GCLM: variants seen among roughly 807,000 people sequenced by gnomAD.
The protein encoded by GCLM is glutamate--cysteine ligase regulatory subunit.
GCLM carries 15 observed loss-of-function variants against 36.0 expected under a neutral mutation model. The observed-to-expected ratio is 0.42, with a 90% CI of 0.28 to 0.64. GCLM has a LOEUF of 0.64. Among genes scored for constraint, GCLM ranks in the 30% least tolerant of loss-of-function variants. The pLI, the probability that GCLM is intolerant of heterozygous loss-of-function variation, is 0.25. For missense variants in GCLM, 242 were observed against 325.5 expected (o/e 0.74, Z 1.97); for synonymous variants, 129 against 122.8 (o/e 1.05, Z -0.34).
intron 6 of GCLM, among the ~76,000 whole-genome samples, chr1:93,891,418 A>G (rs1195711586): frequency 6.6e-6 from 1 of 152,210 alleles, no homozygotes; most frequent in African/African-American, 2.4e-5. Context: ...TCTCTGATTA[A>G]CATTCCCTTA....
intron 1 of GCLM, among the ~76,000 whole-genome samples, 165 bp from the exon 2 acceptor site, chr1:93,904,753 A>G (rs771288344): frequency 2.6e-5 from 4 of 152,212 alleles, no homozygotes; most frequent in Non-Finnish European, 5.9e-5. Context: ...TTCCTTCAAC[A>G]TACATAAATT....
At chr1:93,895,454 G>C (rs558200579) in intron 5 of GCLM, among the ~76,000 whole-genome samples, 1 of 152,312 alleles carries the variant, frequency 6.6e-6, no homozygotes, top group South Asian at 2.1e-4. Flanking sequence ...TAAAGGTAAA[G>C]GATCAAATAC....
At chr1:93,901,749 GCCTTT>G in intron 2 of GCLM, 80 bp from the exon 3 acceptor site, 1 of 780,132 alleles carries the variant, frequency 1.3e-6, no homozygotes, top group South Asian at 1.7e-5. Context: ...TATCCATAAT[GCCTTT>G]TAGAATCAGA....
Position 93,909,070 on chromosome 1 carries a change from G to A in GCLM, c.94C>T (p.Arg32Trp). The A allele has an allele frequency of 6.8e-7, 1 of 1,474,662 alleles. No homozygotes were observed. The highest frequency in any genetic ancestry group is 8.9e-7 in the Non-Finnish European group (1 of 1,118,574). 91.3% of individuals were successfully genotyped at this position (1,474,662 alleles called of 1,614,324 possible). Residue 32 changes from arginine (R) to tryptophan (W), a missense_variant, in exon 1 of 7, where the codon CGG becomes TGG. Transcript: ENST00000370238. ...TGNLLNWGRL[R>W]KKCPSTHSEE... ...CTGTGCGTGGACGGGCACTTCTTCC[G>A]CAGGCGGCCCCAGTTCAGCAGGTTC...
chr1:93,890,982 T>C (rs1159356651), intron 6 of GCLM, among the ~76,000 whole-genome samples: 3 of 151,786 alleles, frequency 2.0e-5, no homozygotes, highest in African/African-American at 7.3e-5. Flanking sequence ...GCTCAATGCA[T>C]CCTTCCACCT....
At chr1:93,897,693 C>A in intron 4 of GCLM, 146 bp downstream of exon 4, 2 of 546,224 alleles carry the variant, frequency 3.7e-6, no homozygotes, top group Non-Finnish European at 6.3e-6. Context: ...TTTACAGAAG[C>A]CTTAAGAAAC....
At chr1:93,904,179 T>C (rs1657062352) in intron 2 of GCLM, 1 of 253,446 alleles carries the variant, frequency 3.9e-6, no homozygotes, top group African/African-American at 2.3e-5. Context: ...AAATTACTTC[T>C]AGTGATGTTG....
chr1:93,901,039 T>G (rs933636017), intron 3 of GCLM, among the ~76,000 whole-genome samples: 5 of 152,234 alleles, frequency 3.3e-5, no homozygotes, highest in African/African-American at 7.2e-5. Context: ...GCTATGCTAA[T>G]TGTAAGGTGA....
At chr1:93,908,853 C>T in intron 1 of GCLM, 185 bp downstream of exon 1, 1 of 408,916 alleles carries the variant, frequency 2.4e-6, no homozygotes, top group East Asian at 4.0e-5. Flanking sequence ...GCGTTGCCCT[C>T]GGCAGCGGGT....
chr1:93,897,955 T>C (rs1242840712), intron 3 of GCLM, 57 bp from the exon 4 acceptor site: 3 of 863,208 alleles, frequency 3.5e-6, no homozygotes, highest in African/African-American at 3.5e-5. Context: ...TTTCACTATA[T>C]GCTAGTATTA....
Position 93,904,528 on chromosome 1 carries a change from C to T in GCLM, c.187G>A (p.Val63Ile), listed in dbSNP as rs1657074286. 4 of 1,604,396 alleles carry T rather than the reference C, an allele frequency of 2.5e-6. No individual in the cohort carries two copies. The highest frequency in any genetic ancestry group is 3.4e-6 in the Non-Finnish European group (4 of 1,171,260). Residue 63 changes from valine to isoleucine, a missense_variant, in exon 2 of 7, where the codon GTC becomes ATC. Coordinates refer to ENST00000370238, the MANE Select transcript of GCLM (RefSeq NM_002061.4). ...EWSSQINPDLVREFPDVLECT... is the reference protein window; with the variant it reads ...EWSSQINPDLIREFPDVLECT... ...TGCATTCACATTTCACTTACCCTGA[C>T]CAAATCTGGGTTGATTTGGGAACTC... is the stretch of plus-strand genomic sequence containing the variant.
At chr1:93,902,421 G>A (rs12057371) in intron 2 of GCLM, among the ~76,000 whole-genome samples, 39,403 of 149,440 alleles carry the variant, frequency 0.26, 5,212 homozygotes, top group Admixed American at 0.35. Flanking sequence ...CTTGTGATCC[G>A]CCCACCTCGG....
chr1:93,909,158 G>T lies in GCLM; in HGVS notation c.6C>A (p.Gly2=). Residue 2 remains glycine, a synonymous_variant, in exon 1 of 7, where the codon GGC becomes GGA. Transcript: ENST00000370238. The part of the protein sequence containing the change: M[G]TDSRAAKALL... ...GCGCCTTGGCCGCGCGGCTGTCGGT[G>T]CCCATGGCAGCGGCCGCCCAGGGGC... The T allele has an allele frequency of 7.5e-7, 1 of 1,332,524 alleles. No homozygotes were observed. The highest frequency in any genetic ancestry group is 9.6e-7 in the Non-Finnish European group (1 of 1,039,872). The allele number at this position is 1,332,524 out of a possible 1,614,324, so 82.5% of individuals were successfully genotyped here. A position where few individuals can be genotyped will look rare whatever the true frequency, so the allele number is the denominator to read the frequency against.
At chr1:93,894,017 G>C (rs1656629146) in intron 6 of GCLM, among the ~76,000 whole-genome samples, 1 of 152,072 alleles carries the variant, frequency 6.6e-6, no homozygotes, top group African/African-American at 2.4e-5. Flanking sequence ...CAGCACCTTG[G>C]GAGGCCGAGG....
At position 93,887,278 on chromosome 1, in the gene GCLM, G is replaced by GGT. The variant is rs1407079448; in HGVS notation, c.*1710_*1711dup. ...CAGAGTGCTGGGATTACAGGCATGAGGTGTGCCCGGGCAGATTTCACATAA... is the reference window on the plus strand; with the variant it reads ...CAGAGTGCTGGGATTACAGGCATGAGGTGTGTGCCCGGGCAGATTTCACATAA... On this transcript the variant is annotated 3_prime_UTR_variant, in exon 7 of 7. Transcript: ENST00000370238. 6.6e-6 allele frequency: 1 copy of GGT among 152,042 alleles called. No individual in the cohort carries two copies. Among genetic ancestry groups the GGT allele is most frequent in the Non-Finnish European group, 1.5e-5 (1 of 68,018 alleles). 9.4% of individuals were successfully genotyped at this position (152,042 alleles called of 1,614,324 possible).
At chr1:93,892,118 G>A (rs910913042) in intron 6 of GCLM, among the ~76,000 whole-genome samples, 4 of 152,100 alleles carry the variant, frequency 2.6e-5, no homozygotes, top group South Asian at 4.2e-4. Flanking sequence ...GGATTTAATC[G>A]AAATGGGGGG....
chr1:93,902,382 G>A (rs775163324), intron 2 of GCLM, among the ~76,000 whole-genome samples: 46 of 151,608 alleles, frequency 3.0e-4, no homozygotes, highest in African/African-American at 1.0e-3. Context: ...GTTTCACCGT[G>A]TTAGCCAGGA....
chr1:93,895,345 T>C (rs1311472821), intron 5 of GCLM, among the ~76,000 whole-genome samples: 5 of 152,176 alleles, frequency 3.3e-5, no homozygotes, highest in African/African-American at 1.2e-4. Flanking sequence ...AGTCTCCTGC[T>C]AGAACCATTT....
Position 93,885,693 on chromosome 1 carries a change from A to G in GCLM, c.*3297T>C, listed in dbSNP as rs889970305. 1 of 152,236 alleles carries G rather than the reference A, an allele frequency of 6.6e-6. No homozygotes were observed. The highest frequency in any genetic ancestry group is 6.5e-5 in the Admixed American group (1 of 15,284). 9.4% of individuals were successfully genotyped at this position (152,236 alleles called of 1,614,324 possible). A position where few individuals can be genotyped will look rare whatever the true frequency, so the allele number is the denominator to read the frequency against. On this transcript the variant is annotated 3_prime_UTR_variant, in exon 7 of 7. Coordinates refer to ENST00000370238, the MANE Select transcript of GCLM (RefSeq NM_002061.4). The stretch of plus-strand genomic sequence containing the variant: ...AATGGTTTAAGTCTTCATTAAAACA[A>G]GCTTCACATTTCTCTGAATGCATAT...
Sources: gnomAD v4.1 joint callset for allele counts (sites outside exome capture counted in the v4.1 genomes callset) on GRCh38, gnomAD v4.1.1 for gene constraint, MANE v1.5 for transcripts, NCBI Gene and HGNC (gene_info 2026-07-23, HGNC 2026-07-21) for gene names.